Variants in FAM168A observed in about 807,000 individuals in gnomAD.
FAM168A encodes the protein family with sequence similarity 168 member A, also known as protein FAM168A.
Under a neutral mutation model 28.5 loss-of-function variants are expected in FAM168A, and 3 were observed. That is an observed-to-expected ratio of 0.11 (90% CI 0.05 to 0.27). The LOEUF (loss-of-function observed/expected upper bound fraction) is 0.27, where lower values mean the gene tolerates loss of function less well. Among genes scored for constraint, FAM168A ranks in the 10% least tolerant of loss-of-function variants. The pLI is 1.00. For missense variants in FAM168A, 222 were observed against 311.5 expected, an observed-to-expected ratio of 0.71 and a Z score of 2.16; for synonymous variants, 122 against 124.2, an observed-to-expected ratio of 0.98 and a Z score of 0.12.
At position 73,403,392 on chromosome 11, in the gene FAM168A, G is replaced by A. The variant is rs1055402276; in HGVS notation, c.*3371C>T. 22 of 152,086 alleles carry A rather than the reference G, an allele frequency of 1.4e-4. No homozygotes were observed. Among genetic ancestry groups the A allele is most frequent in the African/African-American group, 4.1e-4 (17 of 41,358 alleles). 9.4% of individuals were successfully genotyped at this position (152,086 alleles called of 1,614,324 possible). On this transcript the variant is annotated 3_prime_UTR_variant, in exon 8 of 8. Transcript: ENST00000356467. The stretch of plus-strand genomic sequence containing the variant: ...GAATTCAAAAGGGTTGGCTGGTAAC[G>A]AGCCATCTGTACCCCTGATCCTGGC...
rs1017845204 is a variant in FAM168A, at chr11:73,405,553, A to C, written c.*1210T>G. ...CTGGGCCTCAGTTTCCTCATCTGCC[A>C]AATAGGGAAATGGATGAGATGATTG... On this transcript the variant is annotated 3_prime_UTR_variant, in exon 8 of 8. Transcript: ENST00000356467. The C allele has an allele frequency of 3.3e-5, 5 of 152,270 alleles. No homozygotes were observed. The highest frequency in any genetic ancestry group is 6.5e-5 in the Admixed American group (1 of 15,282). 9.4% of individuals were successfully genotyped at this position (152,270 alleles called of 1,614,324 possible).
chr11:73,471,291 T>TC (rs1867810085), intron 1 of FAM168A, among the ~76,000 whole-genome samples: 1 of 152,154 alleles, frequency 6.6e-6, no homozygotes, highest in Admixed American at 6.5e-5. Context: ...CACAGGGTAG[T>TC]CCTTTAACTT....
rs573838559 is a variant in FAM168A, at chr11:73,459,123, AC to A, written c.70+9281del. ...TTTATAGACGGGGTCTTGCTCTGTCACCCAGGCTGGAGTGCAGTGGCGTAAT... is the reference window on the plus strand; with the variant it reads ...TTTATAGACGGGGTCTTGCTCTGTCACCAGGCTGGAGTGCAGTGGCGTAAT... On this transcript the variant is annotated intron_variant, in intron 2 of 7. Transcript: ENST00000356467. Among the ~76,000 whole-genome samples the A allele has an allele frequency of 1.6e-3, 238 of 150,138 alleles. 1 individual carries two copies. The highest frequency in any genetic ancestry group is 5.3e-3 in the African/African-American group (219 of 40,972).
intron 1 of FAM168A, among the ~76,000 whole-genome samples, chr11:73,506,475 A>G (rs1190985342): frequency 6.6e-6 from 1 of 152,100 alleles, no homozygotes; most frequent in East Asian, 1.9e-4. Flanking sequence ...TTTTCTCTGT[A>G]TGTTTTGCCT....
intron 1 of FAM168A, chr11:73,580,377 A>T (rs1944228838): frequency 1.6e-6 from 1 of 610,232 alleles, no homozygotes; most frequent in African/African-American, 1.8e-5. Flanking sequence ...CAGGCCAAAA[A>T]AGCCCCTGCA....
At chr11:73,529,307 G>A (rs892314985) in intron 1 of FAM168A, among the ~76,000 whole-genome samples, 1 of 152,192 alleles carries the variant, frequency 6.6e-6, no homozygotes, top group African/African-American at 2.4e-5. Flanking sequence ...TCATGTCCTA[G>A]CTTTGCCTCT....
intron 3 of FAM168A, among the ~76,000 whole-genome samples, chr11:73,427,284 C>T (rs2134505875): frequency 6.7e-6 from 1 of 149,974 alleles, no homozygotes; most frequent in Non-Finnish European, 1.5e-5. Flanking sequence ...AGCCACTGCG[C>T]CCAGCCTGGA....
At chr11:73,503,017 A>G (rs558904395) in intron 1 of FAM168A, among the ~76,000 whole-genome samples, 1 of 152,184 alleles carries the variant, frequency 6.6e-6, no homozygotes, top group African/African-American at 2.4e-5. Flanking sequence ...AATAAGAACT[A>G]TTTATGACAA....
intron 3 of FAM168A, chr11:73,430,433 T>C (rs1196865306): frequency 4.8e-6 from 2 of 417,578 alleles, no homozygotes; most frequent in African/African-American, 4.2e-5. Context: ...ATGAGGAGGA[T>C]GCAGGTCTCA....
chr11:73,574,718 ATTTT>A (rs10568027), intron 1 of FAM168A, among the ~76,000 whole-genome samples: 6,794 of 88,636 alleles, frequency 0.077, 559 homozygotes, highest in African/African-American at 0.22. Flanking sequence ...TACACCTGGC[ATTTT>A]TTTTTTTTTT....
intron 1 of FAM168A, among the ~76,000 whole-genome samples, chr11:73,589,698 G>A (rs1944360029): frequency 6.6e-6 from 1 of 152,212 alleles, no homozygotes; most frequent in Non-Finnish European, 1.5e-5. Context: ...GGAGGCCAAG[G>A]TGGGTGGATC....
chr11:73,535,513 G>T (rs533830593), intron 1 of FAM168A, among the ~76,000 whole-genome samples: 4 of 150,088 alleles, frequency 2.7e-5, no homozygotes, highest in Non-Finnish European at 4.4e-5. Context: ...TCCACCTCCC[G>T]GGTTCATGCC....
intron 3 of FAM168A, chr11:73,430,277 GGTGTGTGTGTGT>G (rs35239246): frequency 3.4e-5 from 6 of 174,296 alleles, no homozygotes; most frequent in Non-Finnish European, 7.2e-5. Flanking sequence ...TGTGTCCCAA[GGTGTGTGTGTGT>G]GTGTGTGTGT....
At chr11:73,526,963 AAGT>A (rs924260649) in intron 1 of FAM168A, among the ~76,000 whole-genome samples, 2 of 151,888 alleles carry the variant, frequency 1.3e-5, no homozygotes, top group African/African-American at 4.8e-5. Flanking sequence ...TGAAAAGACT[AAGT>A]AGATCACAGG....
chr11:73,454,946 C>T (rs1232780269), intron 2 of FAM168A, among the ~76,000 whole-genome samples: 1 of 152,184 alleles, frequency 6.6e-6, no homozygotes, highest in African/African-American at 2.4e-5. Flanking sequence ...CAGACAAGAG[C>T]TTGGGAGCCA....
intron 2 of FAM168A, among the ~76,000 whole-genome samples, chr11:73,442,995 T>TATATATATAA (rs1867231261): frequency 7.7e-6 from 1 of 130,692 alleles, no homozygotes; most frequent in East Asian, 2.2e-4. Flanking sequence ...TATATATATA[T>TATATATATAA]ATGCCAAGCC....
intron 1 of FAM168A, among the ~76,000 whole-genome samples, chr11:73,491,928 C>T (rs1483826810): frequency 1.3e-5 from 2 of 152,212 alleles, no homozygotes; most frequent in Non-Finnish European, 2.9e-5. Context: ...AAGTATGATT[C>T]TTCTTTCCAT....
intron 2 of FAM168A, among the ~76,000 whole-genome samples, chr11:73,444,328 G>T (rs945066320): frequency 6.6e-6 from 1 of 152,198 alleles, no homozygotes; most frequent in Non-Finnish European, 1.5e-5. Context: ...ATTGTTTGAT[G>T]AAAAATCTTC....
At chr11:73,461,033 T>C (rs1420948790) in intron 2 of FAM168A, among the ~76,000 whole-genome samples, 2 of 152,194 alleles carry the variant, frequency 1.3e-5, no homozygotes, top group Non-Finnish European at 2.9e-5. Context: ...ATCCATTTGT[T>C]GAAAAACTAG....
Sources: allele counts gnomAD v4.1 joint callset (sites outside exome capture counted in the v4.1 genomes callset), GRCh38; gene constraint gnomAD v4.1.1; transcripts MANE v1.5; gene names NCBI Gene and HGNC (gene_info 2026-07-23, HGNC 2026-07-21).